SHISA9: variants seen among roughly 807,000 people sequenced by gnomAD.
SHISA9 encodes the protein shisa family member 9.
In SHISA9, 13 loss-of-function variants were observed where a neutral mutation model predicts 38.0. The ratio of observed to expected loss-of-function variants is 0.34; its 90% CI spans 0.22 to 0.54. The LOEUF is 0.54. Ranked by LOEUF, SHISA9 falls within the 20% of genes least tolerant of loss-of-function variation. SHISA9 has a pLI of 0.91. For missense variants in SHISA9, 538 were observed against 575.8 expected (o/e 0.93, Z 0.67); for synonymous variants, 275 against 242.0 (o/e 1.14, Z -1.27).
At chr16:13,382,807 G>A in the SHISA9 span, among the ~76,000 whole-genome samples, 10 of 152,242 alleles carry the variant, frequency 6.6e-5, no homozygotes, top group Admixed American at 1.3e-4. Context: ...GCAGTGAGCC[G>A]AGATCATGCC....
the SHISA9 span, among the ~76,000 whole-genome samples, chr16:13,487,522 T>G: frequency 6.6e-6 from 1 of 152,184 alleles, no homozygotes; most frequent in African/African-American, 2.4e-5. Flanking sequence ...GAGAACTCAT[T>G]TATCACCAAG....
the SHISA9 span, among the ~76,000 whole-genome samples, chr16:13,486,468 C>T: frequency 6.6e-6 from 1 of 152,200 alleles, no homozygotes; most frequent in Admixed American, 6.5e-5. Context: ...ATCCAGGTGG[C>T]AGACTGACAT....
At chr16:13,128,312 T>C (rs753646171) in intron 2 of SHISA9, among the ~76,000 whole-genome samples, 14 of 152,190 alleles carry the variant, frequency 9.2e-5, no homozygotes, top group Non-Finnish European at 1.9e-4. Flanking sequence ...CATTGTCTAA[T>C]TTAATTTCGC....
At position 12,902,281 on chromosome 16, in the gene SHISA9, T is replaced by C. The variant is rs2071028439; in HGVS notation, c.217T>C (p.Phe73Leu). Reference protein sequence around the residue: ...APPTRAPTPDFCRGYFDVMGQ... With the variant: ...APPTRAPTPDLCRGYFDVMGQ... ...CCCGACCCGGGCGCCCACGCCGGAC[T>C]TCTGCCGGGGCTACTTCGATGTCAT... Residue 73 changes from phenylalanine to leucine, a missense_variant, in exon 1 of 5, where the codon TTC (phenylalanine) becomes CTC (leucine). Phe to Leu is a conservative substitution (Grantham distance 22). Transcript: ENST00000558583. 6.5e-7 allele frequency: 1 copy of C among 1,549,650 alleles called. No homozygotes were observed. The highest frequency in any genetic ancestry group is 8.7e-7 in the Non-Finnish European group (1 of 1,146,910).
intron 4 of SHISA9, among the ~76,000 whole-genome samples, chr16:13,223,713 T>G (rs400844): frequency 2.0e-5 from 3 of 152,038 alleles, no homozygotes; most frequent in African/African-American, 7.3e-5. Flanking sequence ...ACAGTTCCAC[T>G]TGGCTGGGGA....
chr16:13,359,638 G>C, the SHISA9 span, among the ~76,000 whole-genome samples: 905 of 152,300 alleles, frequency 5.9e-3, 15 homozygotes, highest in African/African-American at 0.021. Flanking sequence ...ACCTCTCTGA[G>C]ACTCAGGTTC....
At chr16:13,248,903 T>C in the SHISA9 span, among the ~76,000 whole-genome samples, 1 of 152,146 alleles carries the variant, frequency 6.6e-6, no homozygotes, top group African/African-American at 2.4e-5. Flanking sequence ...GGGTAGACCT[T>C]ATGTGCATTA....
At chr16:13,450,383 C>G in the SHISA9 span, among the ~76,000 whole-genome samples, 117 of 152,266 alleles carry the variant, frequency 7.7e-4, 3 homozygotes, top group South Asian at 0.022. Flanking sequence ...AAACTGGTCT[C>G]CCATCTCCCA....
At chr16:13,417,204 AT>A in the SHISA9 span, among the ~76,000 whole-genome samples, 1 of 152,176 alleles carries the variant, frequency 6.6e-6, no homozygotes, top group Non-Finnish European at 1.5e-5. Flanking sequence ...TCAGCACGGG[AT>A]TCATGATGAT....
At chr16:13,377,809 C>G in the SHISA9 span, among the ~76,000 whole-genome samples, 1 of 152,140 alleles carries the variant, frequency 6.6e-6, no homozygotes, top group South Asian at 2.1e-4. Flanking sequence ...GGGCGGATCA[C>G]TTGAGGTCAG....
At chr16:12,925,456 T>TGC (rs1252125700) in intron 2 of SHISA9, among the ~76,000 whole-genome samples, 1 of 107,168 alleles carries the variant, frequency 9.3e-6, no homozygotes, top group East Asian at 3.4e-4. Flanking sequence ...TATGTGTGTG[T>TGC]GTGTGTGTGT....
chr16:13,082,483 T>A (rs2073661992), intron 2 of SHISA9: 1 of 152,100 alleles, frequency 6.6e-6, no homozygotes, highest in Admixed American at 6.5e-5. Flanking sequence ...CTTCAGCACA[T>A]CCCGTTCACA....
At chr16:13,377,463 C>A in the SHISA9 span, among the ~76,000 whole-genome samples, 6 of 152,156 alleles carry the variant, frequency 3.9e-5, no homozygotes, top group African/African-American at 1.4e-4. Flanking sequence ...AGGATTGTCC[C>A]AATATGCCTC....
At chr16:13,551,716 G>A in the SHISA9 span, among the ~76,000 whole-genome samples, 1 of 152,144 alleles carries the variant, frequency 6.6e-6, no homozygotes, top group African/African-American at 2.4e-5. Flanking sequence ...GCTTTCCTGA[G>A]TGATCAGGTG....
intron 3 of SHISA9, among the ~76,000 whole-genome samples, chr16:13,209,588 G>A (rs1473349525): frequency 2.6e-5 from 4 of 152,150 alleles, no homozygotes; most frequent in African/African-American, 9.7e-5. Flanking sequence ...TCACTCAATT[G>A]ACTCTCCTTA....
chr16:13,396,443 G>T, the SHISA9 span, among the ~76,000 whole-genome samples: 3 of 152,176 alleles, frequency 2.0e-5, no homozygotes, highest in Non-Finnish European at 1.5e-5. Flanking sequence ...GGAGGTGGAG[G>T]TTGCAGTGAA....
chr16:13,357,352 C>T, the SHISA9 span, among the ~76,000 whole-genome samples: 2 of 151,888 alleles, frequency 1.3e-5, no homozygotes, highest in East Asian at 1.9e-4. Flanking sequence ...TGAAGTGTGG[C>T]GCTAAGATTG....
chr16:13,085,202 A>C (rs927936188), intron 2 of SHISA9, among the ~76,000 whole-genome samples: 1 of 152,182 alleles, frequency 6.6e-6, no homozygotes, highest in Non-Finnish European at 1.5e-5. Context: ...TCTTCAAAAC[A>C]CTTAGACCTA....
At chr16:13,123,184 A>G (rs1443350756) in intron 2 of SHISA9, among the ~76,000 whole-genome samples, 1 of 151,884 alleles carries the variant, frequency 6.6e-6, no homozygotes, top group African/African-American at 2.4e-5. Flanking sequence ...CTGAGGATGT[A>G]TGGGAGACAG....
Sources: allele counts gnomAD v4.1 joint callset (sites outside exome capture counted in the v4.1 genomes callset), GRCh38; gene constraint gnomAD v4.1.1; transcripts MANE v1.5; gene names NCBI Gene and HGNC (gene_info 2026-07-23, HGNC 2026-07-21).